The following KIF5C variants were observed in gnomAD, a reference collection of about 807,000 sequenced individuals.
KIF5C encodes the protein kinesin heavy chain isoform 5C.
Under a neutral mutation model 125.2 loss-of-function variants are expected in KIF5C, and 18 were observed. That is an observed-to-expected ratio of 0.14 (90% CI 0.10 to 0.21). KIF5C has a LOEUF of 0.21. KIF5C is among the 10% of genes least tolerant of loss of function. KIF5C has a pLI of 1.00. For synonymous variants in KIF5C, 405 were observed against 434.0 expected, an observed-to-expected ratio of 0.93 and a Z score of 0.83; for missense variants, 780 against 1,183.8, an observed-to-expected ratio of 0.66 and a Z score of 5.01.
At chr2:149,000,912 A>G in intron 21 of KIF5C, 130 bp downstream of exon 21, 1 of 1,480,506 alleles carries the variant, frequency 6.8e-7, no homozygotes, top group East Asian at 2.3e-5. Flanking sequence ...ATTCTATGGA[A>G]AAGTAGGATT....
chr2:148,965,244 A>T (rs971759776), intron 11 of KIF5C, among the ~76,000 whole-genome samples: 3 of 151,778 alleles, frequency 2.0e-5, no homozygotes, highest in Admixed American at 2.0e-4. Context: ...GATCTGCTTG[A>T]GTTGGAGTCA....
In KIF5C at chr2:148,922,238, T is replaced by G; in HGVS notation, c.217+11T>G. On this transcript the variant is annotated intron_variant, in intron 2 of 25. Coordinates refer to ENST00000435030, the MANE Select transcript of KIF5C (RefSeq NM_004522.3). ...AGCAAATTGTCAAAGGTAAGTGCTATTTCTTTATTTCCTCCTGGGCCATTC... is the reference window on the plus strand; with the variant it reads ...AGCAAATTGTCAAAGGTAAGTGCTAGTTCTTTATTTCCTCCTGGGCCATTC... The G allele has an allele frequency of 1.3e-6, 2 of 1,564,030 alleles. No individual in the cohort carries two copies. The highest frequency in any genetic ancestry group is 1.8e-6 in the Non-Finnish European group (2 of 1,137,388).
intron 24 of KIF5C, 132 bp downstream of exon 24, chr2:149,010,483 G>T (rs965372033): frequency 2.1e-6 from 3 of 1,418,436 alleles, no homozygotes; most frequent in Admixed American, 2.9e-5. Flanking sequence ...CCCGCAGGAC[G>T]CAGCCCTCAC....
intron 10 of KIF5C, among the ~76,000 whole-genome samples, chr2:148,953,317 GTTT>G (rs1373009639): frequency 1.3e-5 from 2 of 152,240 alleles, no homozygotes; most frequent in East Asian, 3.8e-4. Context: ...ACGTCCAGAA[GTTT>G]GGTTGGGTTT....
Position 148,894,703 on chromosome 2 carries a change from A to ATATATATATATAT in KIF5C, c.126+18960_126+18961insTATATATATATAT, listed in dbSNP as rs1558875720. ...CTTACATTTCAAATAAGTTTAGTAC[A>ATATATATATATAT]ATATATATATATATATATAGGGTGG... On this transcript the variant is annotated intron_variant, in intron 1 of 25. Transcript: ENST00000435030. 3.1e-3 allele frequency among the ~76,000 whole-genome samples: 451 copies of ATATATATATATAT among 147,494 alleles called. 1 individual carries two copies. Among genetic ancestry groups the ATATATATATATAT allele is most frequent in the African/African-American group, 0.011 (439 of 40,460 alleles).
At chr2:148,908,193 T>A (rs1188465660) in intron 1 of KIF5C, among the ~76,000 whole-genome samples, 1 of 152,222 alleles carries the variant, frequency 6.6e-6, no homozygotes, top group Non-Finnish European at 1.5e-5. Flanking sequence ...ACTGTCAACA[T>A]GCATTTTCCA....
intron 1 of KIF5C, chr2:148,878,421 T>C (rs925622567): frequency 2.1e-4 from 32 of 152,402 alleles, no homozygotes; most frequent in African/African-American, 7.7e-4. Flanking sequence ...TTCCATGATA[T>C]GAATATACTA....
chr2:148,881,519 C>T (rs758595917), intron 1 of KIF5C, among the ~76,000 whole-genome samples: 29 of 151,924 alleles, frequency 1.9e-4, no homozygotes, highest in Non-Finnish European at 3.8e-4. Flanking sequence ...CCCCCTTTCC[C>T]TGCCTGAAAT....
intron 18 of KIF5C, 89 bp downstream of exon 18, chr2:148,997,429 C>T (rs1389892677): frequency 6.3e-7 from 1 of 1,591,682 alleles, no homozygotes; most frequent in Non-Finnish European, 8.6e-7. Flanking sequence ...CTGTCACCTT[C>T]AGATCCGTAT....
chr2:148,910,067 G>A (rs1681270904), intron 1 of KIF5C, among the ~76,000 whole-genome samples: 1 of 152,154 alleles, frequency 6.6e-6, no homozygotes, highest in Non-Finnish European at 1.5e-5. Flanking sequence ...AATTCAAAAT[G>A]TGACATGAAA....
At chr2:148,936,936 A>G (rs911873910) in intron 3 of KIF5C, among the ~76,000 whole-genome samples, 20 of 152,136 alleles carry the variant, frequency 1.3e-4, no homozygotes, top group Non-Finnish European at 1.9e-4. Flanking sequence ...AAACCCATAT[A>G]TTCTCGTTCC....
intron 7 of KIF5C, 98 bp from the exon 8 acceptor site, chr2:148,946,801 G>T: frequency 6.6e-7 from 1 of 1,520,712 alleles, no homozygotes; most frequent in South Asian, 1.3e-5. Flanking sequence ...TCAATGAAAT[G>T]GATCTATTAG....
chr2:149,021,263 A>T (rs553885816), intron 25 of KIF5C, among the ~76,000 whole-genome samples: 1 of 152,238 alleles, frequency 6.6e-6, no homozygotes, highest in African/African-American at 2.4e-5. Context: ...GGGTTTCACC[A>T]TGTTGGCTGG....
At chr2:148,879,664 C>A (rs1258325413) in intron 1 of KIF5C, 1 of 152,292 alleles carries the variant, frequency 6.6e-6, no homozygotes, top group Admixed American at 6.5e-5. Context: ...TGCTAAAAGT[C>A]CTGGTGAGTC....
chr2:148,877,034 C>T (rs906206783), intron 1 of KIF5C, among the ~76,000 whole-genome samples: 1 of 152,238 alleles, frequency 6.6e-6, no homozygotes, highest in Non-Finnish European at 1.5e-5. Context: ...AGGAGTCCGC[C>T]TGGCCTTTCT....
chr2:148,913,007 C>A (rs1327533690), intron 1 of KIF5C, among the ~76,000 whole-genome samples: 1 of 152,168 alleles, frequency 6.6e-6, no homozygotes, highest in African/African-American at 2.4e-5. Context: ...ATGTTAAATA[C>A]CCATTGTGAT....
At chr2:149,013,984 A>C (rs532990584) in intron 25 of KIF5C, among the ~76,000 whole-genome samples, 14 of 152,226 alleles carry the variant, frequency 9.2e-5, no homozygotes, top group African/African-American at 3.4e-4. Flanking sequence ...GGTTTGTCAC[A>C]TAAGTATACA....
chr2:149,000,531 G>A lies in KIF5C; in HGVS notation c.2312+7G>A, dbSNP rs762208643. 4 of 1,556,634 alleles carry A rather than the reference G, an allele frequency of 2.6e-6. No homozygotes were observed. Among genetic ancestry groups the A allele is most frequent in the Non-Finnish European group, 3.5e-6 (4 of 1,143,974 alleles). On this transcript the variant is annotated splice_region_variant and intron_variant, in intron 20 of 25. Coordinates refer to ENST00000435030, the MANE Select transcript of KIF5C (RefSeq NM_004522.3). Reference sequence around the variant, plus strand: ...TGAAGCTGGAAAAGCTCTTGTGAGTGCACTCTAAATATTTCCTCTATTTTC... The same window carrying A: ...TGAAGCTGGAAAAGCTCTTGTGAGTACACTCTAAATATTTCCTCTATTTTC...
At chr2:148,896,742 A>G (rs192265496) in intron 1 of KIF5C, among the ~76,000 whole-genome samples, 8 of 152,332 alleles carry the variant, frequency 5.3e-5, no homozygotes, top group African/African-American at 1.9e-4. Flanking sequence ...AGGCTAGCCT[A>G]TTCCAGAATT....
Sources: allele counts gnomAD v4.1 joint callset (sites outside exome capture counted in the v4.1 genomes callset), GRCh38; gene constraint gnomAD v4.1.1; transcripts MANE v1.5; gene names NCBI Gene and HGNC (gene_info 2026-07-23, HGNC 2026-07-21).